GLDC: variants seen among roughly 807,000 people sequenced by gnomAD.
GLDC encodes glycine dehydrogenase (decarboxylating), mitochondrial.
In GLDC, 104 loss-of-function variants were observed where a neutral mutation model predicts 121.3. The ratio of observed to expected loss-of-function variants is 0.86; its 90% confidence interval spans 0.73 to 1.01. The LOEUF (loss-of-function observed/expected upper bound fraction) is 1.01. Ranked by LOEUF, GLDC falls within the 50% of genes least tolerant of loss-of-function variation. GLDC has a pLI of 0.00. For synonymous variants in GLDC, 546 were observed against 480.6 expected, an observed-to-expected ratio of 1.14 and a Z score of -1.78; for missense variants, 1,429 against 1,306.6, an observed-to-expected ratio of 1.09 and a Z score of -1.44.
chr9:6,617,055 G>A (rs1286394911), intron 3 of GLDC, among the ~76,000 whole-genome samples: 1 of 152,098 alleles, frequency 6.6e-6, no homozygotes, highest in African/African-American at 2.4e-5. Flanking sequence ...GAGCCCAAAT[G>A]TTTGTTTTCT....
intron 4 of GLDC, among the ~76,000 whole-genome samples, chr9:6,607,076 A>T (rs1178842913): frequency 3.3e-5 from 5 of 152,022 alleles, no homozygotes; most frequent in Non-Finnish European, 5.9e-5. Flanking sequence ...CAAAAAAAAA[A>T]TTTAAAAAAA....
chr9:6,563,468 C>A (rs1279342098), intron 16 of GLDC, among the ~76,000 whole-genome samples: 7 of 152,160 alleles, frequency 4.6e-5, no homozygotes, highest in Non-Finnish European at 1.0e-4. Flanking sequence ...CTCCTGGGCA[C>A]CTCGTGGTGA....
chr9:6,540,954 C>G (rs985201057), intron 21 of GLDC: 3 of 152,066 alleles, frequency 2.0e-5, no homozygotes, highest in African/African-American at 7.3e-5. Context: ...ATCAGGAGTT[C>G]CAGACCAGCC....
intron 2 of GLDC, among the ~76,000 whole-genome samples, chr9:6,623,533 T>C (rs534805996): frequency 2.6e-4 from 39 of 151,182 alleles, no homozygotes; most frequent in African/African-American, 8.0e-4. Context: ...TTCACTTGTT[T>C]ATCTGCTGAC....
At chr9:6,552,013 TC>T (rs2129709667) in intron 20 of GLDC, among the ~76,000 whole-genome samples, 1 of 152,168 alleles carries the variant, frequency 6.6e-6, no homozygotes, top group South Asian at 2.1e-4. Context: ...TCTGAAAGAA[TC>T]CCCTAAGGAT....
chr9:6,553,348 C>A lies in GLDC; in HGVS notation c.2457+20G>T. The A allele has an allele frequency of 6.2e-7, 1 of 1,613,142 alleles. No homozygotes were observed. Among genetic ancestry groups the A allele is most frequent in the East Asian group, 2.2e-5 (1 of 44,874 alleles). On this transcript the variant is annotated intron_variant, in intron 20 of 24. Coordinates refer to ENST00000321612, the MANE Select transcript of GLDC (RefSeq NM_000170.3). ...ACGCCCCCACCCACCTGCACACCTG[C>A]ACATACTCCCAGGCCTCACCTTGAT...
chr9:6,583,185 A>G (rs1818205470), intron 15 of GLDC, among the ~76,000 whole-genome samples: 1 of 152,114 alleles, frequency 6.6e-6, no homozygotes, highest in Admixed American at 6.6e-5. Context: ...ACATAAAATT[A>G]CCCTATATCC....
At chr9:6,614,783 C>G (rs1189350260) in intron 3 of GLDC, among the ~76,000 whole-genome samples, 2 of 152,092 alleles carry the variant, frequency 1.3e-5, no homozygotes, top group East Asian at 3.8e-4. Context: ...TTGTGTGAAC[C>G]TCATAGAGTG....
intron 24 of GLDC, among the ~76,000 whole-genome samples, chr9:6,533,697 A>G (rs908301701): frequency 6.6e-6 from 1 of 151,982 alleles, no homozygotes; most frequent in Non-Finnish European, 1.5e-5. Flanking sequence ...CATCTCTACT[A>G]AAAATGCAAA....
chr9:6,600,409 G>C (rs575274486), intron 8 of GLDC, among the ~76,000 whole-genome samples: 1 of 151,892 alleles, frequency 6.6e-6, no homozygotes, highest in East Asian at 1.9e-4. Context: ...AGGTGCCATG[G>C]CTCACACCTA....
intron 7 of GLDC, among the ~76,000 whole-genome samples, chr9:6,603,540 T>C (rs1356725835): frequency 1.4e-5 from 2 of 144,176 alleles, no homozygotes; most frequent in African/African-American, 4.9e-5. Flanking sequence ...TCAAAATAAA[T>C]AAATAAATAA....
intron 2 of GLDC, among the ~76,000 whole-genome samples, chr9:6,638,604 A>T (rs1485014696): frequency 6.6e-6 from 1 of 152,136 alleles, no homozygotes; most frequent in Non-Finnish European, 1.5e-5. Flanking sequence ...AACGCTCATG[A>T]CATTTTACCC....
chr9:6,622,777 C>G, intron 2 of GLDC: 1 of 225,988 alleles, frequency 4.4e-6, no homozygotes. Context: ...GCCCGGCCGC[C>G]ATCCCACCTA....
At chr9:6,543,849 T>C (rs1403050550) in intron 21 of GLDC, among the ~76,000 whole-genome samples, 1 of 149,714 alleles carries the variant, frequency 6.7e-6, no homozygotes, top group Non-Finnish European at 1.5e-5. Context: ...TAACAGTGAC[T>C]ACAGCTGAGA....
chr9:6,633,552 C>T (rs1185678529), intron 2 of GLDC, among the ~76,000 whole-genome samples: 1 of 152,124 alleles, frequency 6.6e-6, no homozygotes, highest in Non-Finnish European at 1.5e-5. Context: ...ATGACATCAA[C>T]ATCACTACCC....
intron 15 of GLDC, among the ~76,000 whole-genome samples, chr9:6,574,482 GAAAAGAAAAA>G (rs994228319): frequency 2.0e-5 from 3 of 149,476 alleles, no homozygotes; most frequent in Admixed American, 2.0e-4. Context: ...AAAAAACAAA[GAAAAGAAAAA>G]AAAAGAAAAG....
intron 15 of GLDC, among the ~76,000 whole-genome samples, chr9:6,580,110 A>G (rs1042755387): frequency 6.6e-6 from 1 of 152,102 alleles, no homozygotes; most frequent in Admixed American, 6.6e-5. Context: ...GAGACCTTCG[A>G]CCCAGGAACA....
intron 15 of GLDC, among the ~76,000 whole-genome samples, chr9:6,571,371 G>T (rs780475308): frequency 2.0e-5 from 3 of 152,050 alleles, no homozygotes; most frequent in Non-Finnish European, 2.9e-5. Flanking sequence ...TATAAATTAG[G>T]CACAGTTACA....
chr9:6,568,904 G>A (rs1015352996), intron 15 of GLDC: 1 of 152,192 alleles, frequency 6.6e-6, no homozygotes, highest in African/African-American at 2.4e-5. Context: ...CATTTACTCA[G>A]GCTGATTAAG....
Sources: allele counts gnomAD v4.1 joint callset (sites outside exome capture counted in the v4.1 genomes callset), GRCh38; gene constraint gnomAD v4.1.1; transcripts MANE v1.5; gene names NCBI Gene and HGNC (gene_info 2026-07-23, HGNC 2026-07-21).